PTPRD: variants seen among roughly 807,000 people sequenced by gnomAD.
PTPRD encodes the protein protein tyrosine phosphatase receptor type D, also known as receptor-type tyrosine-protein phosphatase delta.
PTPRD carries 34 observed loss-of-function variants against 214.5 expected under a neutral mutation model. The ratio of observed to expected loss-of-function variants is 0.16; its 90% CI spans 0.12 to 0.21. PTPRD has a LOEUF of 0.21. Ranked by LOEUF, PTPRD falls within the 10% of genes least tolerant of loss-of-function variation. The probability of loss-of-function intolerance (pLI) is 1.00; values close to 1 mark genes in which losing one functional copy is unlikely to be tolerated. For synonymous variants in PTPRD, 1,128 were observed against 845.7 expected (o/e 1.33, Z -5.79); for missense variants, 2,545 against 2,398.7 (o/e 1.06, Z -1.27).
intron 9 of PTPRD, among the ~76,000 whole-genome samples, chr9:9,252,036 C>T (rs888345842): frequency 6.6e-5 from 10 of 152,026 alleles, no homozygotes; most frequent in African/African-American, 2.4e-4. Context: ...TATATCTCGG[C>T]AGCTACATTT....
intron 10 of PTPRD, among the ~76,000 whole-genome samples, chr9:9,128,346 C>A (rs2099837301): frequency 6.6e-6 from 1 of 152,186 alleles, no homozygotes; most frequent in Non-Finnish European, 1.5e-5. Context: ...CACACATATA[C>A]AAACACATAT....
intron 11 of PTPRD, among the ~76,000 whole-genome samples, chr9:8,822,153 A>G (rs1025437604): frequency 8.5e-5 from 13 of 152,198 alleles, no homozygotes; most frequent in African/African-American, 2.9e-4. Flanking sequence ...TCATAAATGC[A>G]CAAGGGGCTA....
intron 8 of PTPRD, among the ~76,000 whole-genome samples, chr9:9,553,924 T>G (rs1206760940): frequency 1.3e-5 from 2 of 151,998 alleles, no homozygotes; most frequent in Non-Finnish European, 2.9e-5. Context: ...GCATATACCC[T>G]CTGACAACAA....
chr9:9,182,696 G>C (rs751294146), intron 10 of PTPRD, among the ~76,000 whole-genome samples: 6 of 151,914 alleles, frequency 3.9e-5, no homozygotes, highest in Admixed American at 6.6e-5. Flanking sequence ...TATTAGAAAA[G>C]GGATATGTAA....
chr9:10,162,660 CATGTAT>C (rs1231897363), intron 3 of PTPRD, among the ~76,000 whole-genome samples: 3 of 145,336 alleles, frequency 2.1e-5, no homozygotes, highest in Admixed American at 7.0e-5. Flanking sequence ...CACATATATA[CATGTAT>C]ATGTATATAC....
chr9:9,785,856 C>G (rs535635808), intron 5 of PTPRD, among the ~76,000 whole-genome samples: 9 of 152,162 alleles, frequency 5.9e-5, no homozygotes, highest in South Asian at 4.1e-4. Context: ...ACCATTTTTG[C>G]ACAATTCCTG....
At chr9:8,875,439 A>G (rs765705704) in intron 11 of PTPRD, among the ~76,000 whole-genome samples, 12 of 152,282 alleles carry the variant, frequency 7.9e-5, no homozygotes, top group Admixed American at 3.9e-4. Flanking sequence ...ATTCTAGTAT[A>G]ATCACAATAC....
chr9:10,550,942 T>C (rs537112538), intron 2 of PTPRD, among the ~76,000 whole-genome samples: 7 of 152,338 alleles, frequency 4.6e-5, no homozygotes, highest in African/African-American at 1.7e-4. Flanking sequence ...CATTCTCCTA[T>C]GGCTGTACAC....
intron 9 of PTPRD, among the ~76,000 whole-genome samples, chr9:9,352,858 G>C (rs2051999818): frequency 1.3e-5 from 2 of 151,892 alleles, no homozygotes; most frequent in African/African-American, 4.8e-5. Flanking sequence ...AAAAAGGTAG[G>C]ACGTGGTTCT....
At chr9:10,339,181 A>ATATTGGTCATC (rs2096895851) in intron 3 of PTPRD, among the ~76,000 whole-genome samples, 1 of 151,710 alleles carries the variant, frequency 6.6e-6, no homozygotes, top group South Asian at 2.1e-4. Flanking sequence ...AGAGAAGTTG[A>ATATTGGTCATC]TATTGGTCAT....
intron 2 of PTPRD, among the ~76,000 whole-genome samples, chr9:10,405,448 T>C (rs1268250904): frequency 1.3e-5 from 2 of 151,578 alleles, no homozygotes; most frequent in Non-Finnish European, 3.0e-5. Flanking sequence ...CTTCAACCAG[T>C]ATAGTAGAGC....
chr9:10,489,355 C>G (rs950093201), intron 2 of PTPRD, among the ~76,000 whole-genome samples: 20 of 152,154 alleles, frequency 1.3e-4, no homozygotes, highest in Non-Finnish European at 2.8e-4. Context: ...TCTTCACCAC[C>G]TTTCCCTCTA....
At chr9:8,960,563 G>A (rs1458042505) in intron 11 of PTPRD, among the ~76,000 whole-genome samples, 1 of 152,110 alleles carries the variant, frequency 6.6e-6, no homozygotes, top group African/African-American at 2.4e-5. Flanking sequence ...ATTAAAAACA[G>A]AGCTGAAGAT....
intron 7 of PTPRD, among the ~76,000 whole-genome samples, chr9:9,604,939 G>A (rs2094045265): frequency 6.6e-6 from 1 of 151,872 alleles, no homozygotes; most frequent in Admixed American, 6.6e-5. Flanking sequence ...TATTTTAACA[G>A]GAGGTGGTCC....
intron 35 of PTPRD, among the ~76,000 whole-genome samples, chr9:8,435,026 G>A (rs7862898): frequency 0.37 from 55,704 of 151,990 alleles, 10,923 homozygotes; most frequent in East Asian, 0.53. Flanking sequence ...AATAAAGGAA[G>A]ATATAACTTC....
At chr9:10,250,321 C>T (rs2092655619) in intron 3 of PTPRD, among the ~76,000 whole-genome samples, 1 of 151,952 alleles carries the variant, frequency 6.6e-6, no homozygotes, top group South Asian at 2.1e-4. Context: ...TCTATATAAC[C>T]AAATTTTAAA....
At chr9:9,710,497 C>A (rs918304019) in intron 7 of PTPRD, among the ~76,000 whole-genome samples, 5 of 151,968 alleles carry the variant, frequency 3.3e-5, no homozygotes, top group African/African-American at 1.2e-4. Context: ...ATTTCAAATA[C>A]TTGATTCTCA....
At chr9:8,514,113 T>C (rs1178063985) in intron 21 of PTPRD, among the ~76,000 whole-genome samples, 2 of 152,128 alleles carry the variant, frequency 1.3e-5, no homozygotes, top group African/African-American at 2.4e-5. Flanking sequence ...GCCCCTCTGA[T>C]AATGCTACCT....
At chr9:8,504,912 G>C (rs148912066) in intron 22 of PTPRD, among the ~76,000 whole-genome samples, 1 of 152,184 alleles carries the variant, frequency 6.6e-6, no homozygotes, top group Non-Finnish European at 1.5e-5. Context: ...ACAATTTACA[G>C]GAGGTTGCTA....
Sources: gnomAD v4.1 joint callset for allele counts (sites outside exome capture counted in the v4.1 genomes callset) on GRCh38, gnomAD v4.1.1 for gene constraint, MANE v1.5 for transcripts, NCBI Gene and HGNC (gene_info 2026-07-23, HGNC 2026-07-21) for gene names.